Variants in SHISAL2A observed in about 807,000 individuals in gnomAD.
SHISAL2A encodes the protein protein shisa-like-2A.
In SHISAL2A, 18 loss-of-function variants were observed where a neutral mutation model predicts 11.5. That is an observed-to-expected ratio of 1.57 (90% CI 1.08 to 2.33). The LOEUF (loss-of-function observed/expected upper bound fraction) is 2.33, where lower values mean the gene tolerates loss of function less well. Ranked by LOEUF, SHISAL2A falls within the 30% of genes most tolerant of loss-of-function variation. The probability of loss-of-function intolerance (pLI) is 0.00; values close to 1 mark genes in which losing one functional copy is unlikely to be tolerated. For missense variants in SHISAL2A, 261 were observed against 250.9 expected (o/e 1.04, Z -0.27); for synonymous variants, 94 against 99.6 (o/e 0.94, Z 0.34).
intron 1 of SHISAL2A, among the ~76,000 whole-genome samples, chr1:52,635,624 GTT>G (rs1558083904): frequency 6.6e-6 from 1 of 151,986 alleles, no homozygotes; most frequent in Non-Finnish European, 1.5e-5. Context: ...CCAGTTTTAG[GTT>G]TTACAACTCC....
At chr1:52,632,975 C>G (rs960651993), upstream of SHISAL2A, among the ~76,000 whole-genome samples, 1 of 152,054 alleles carries the variant, frequency 6.6e-6, no homozygotes, top group Non-Finnish European at 1.5e-5. Flanking sequence ...TGGTCGCCGG[C>G]TGGTGCCTTG....
Position 52,633,434 on chromosome 1 carries a change from G to T in SHISAL2A, c.-60G>T. The T allele has an allele frequency of 3.6e-6, 5 of 1,383,828 alleles. No individual in the cohort carries two copies. Among genetic ancestry groups the T allele is most frequent in the Non-Finnish European group, 3.7e-6 (4 of 1,067,432 alleles). The allele number at this position is 1,383,828 out of a possible 1,614,324, so 85.7% of individuals were successfully genotyped here. A position where few individuals can be genotyped will look rare whatever the true frequency, so the allele number is the denominator to read the frequency against. ...GTCTCGCTCGGTCCCTCGCTTCCCC[G>T]CCGGGCTCTAGCCGGCCGTCTGGTG... On this transcript the variant is annotated 5_prime_UTR_variant, in exon 1 of 3. Transcript: ENST00000517870. The surrounding 1 kb of genome is among the most constrained non-coding windows in gnomAD (Gnocchi z 6.4).
chr1:52,642,900 GTTC>G lies in SHISAL2A; in HGVS notation c.225_227del (p.Leu76del). ...CATAGGCCTGTCCGTAGCAGCAGTG[GTTC>G]TTCTCGCCTTCATTGTTACCGCCTG... On this transcript the variant is annotated inframe_deletion, in exon 2 of 3. Coordinates refer to ENST00000517870, the MANE Select transcript of SHISAL2A (RefSeq NM_001042693.3). The G allele has an allele frequency of 3.1e-6, 5 of 1,613,854 alleles. No individual in the cohort carries two copies. Among genetic ancestry groups the G allele is most frequent in the African/African-American group, 1.3e-5 (1 of 75,002 alleles).
intron 1 of SHISAL2A, among the ~76,000 whole-genome samples, chr1:52,637,363 T>A (rs1312379759): frequency 6.6e-6 from 1 of 152,182 alleles, no homozygotes; most frequent in Non-Finnish European, 1.5e-5. Context: ...GGAGACCTTG[T>A]TTTGCTGTAA....
At position 52,656,805 on chromosome 1, in the gene SHISAL2A, C is replaced by T. The variant is rs1409174668; in HGVS notation, c.338C>T (p.Ser113Phe). The T allele has an allele frequency of 6.2e-7, 1 of 1,610,706 alleles. No homozygotes were observed. The highest frequency in any genetic ancestry group is 1.1e-5 in the South Asian group (1 of 90,690). Residue 113 changes from serine to phenylalanine, a missense_variant, in exon 3 of 3, where the codon TCT becomes TTT. Physicochemically the swap from Ser to Phe is radical, Grantham distance 155. Transcript: ENST00000517870. ...SLQTAGPEEV[S>F]PDCQGVNTGM... ...TGTTTTCCAGGCCCTGAGGAGGTTT[C>T]TCCTGACTGCCAAGGTGTGAACACA...
At position 52,667,470 on chromosome 1, in the gene SHISAL2A, T is replaced by TCATCAC. The variant is rs60987667; in HGVS notation, n.794_799dup. 0.025 allele frequency: 19,241 copies of TCATCAC among 769,734 alleles called. 3,957 individuals are homozygous for TCATCAC. In the African/African-American group the frequency reaches 0.39, roughly 15 times the overall value. 47.7% of individuals were successfully genotyped at this position (769,734 alleles called of 1,614,324 possible). A position where few individuals can be genotyped will look rare whatever the true frequency, so the allele number is the denominator to read the frequency against. Reference sequence around the variant, plus strand: ...AGAGATTGACTGCTGTGGAGACAGATCATCACCATCACCATCACCATCACC... The same window carrying TCATCAC: ...AGAGATTGACTGCTGTGGAGACAGATCATCACCATCACCATCACCATCACCATCACC... On this transcript the variant is annotated non_coding_transcript_exon_variant, in exon 5 of 6. Transcript: ENST00000401050.
At chr1:52,660,588 G>A (rs988010781), downstream of SHISAL2A, among the ~76,000 whole-genome samples, 2 of 152,194 alleles carry the variant, frequency 1.3e-5, no homozygotes, top group African/African-American at 4.8e-5. Context: ...ATGTGTGTGT[G>A]CCTGCCTGAG....
chr1:52,657,057 TCCATA>T, exon 3 of SHISAL2A: 1 of 1,566,410 alleles, frequency 6.4e-7, no homozygotes, highest in Non-Finnish European at 8.7e-7. Flanking sequence ...AATAAATGTC[TCCATA>T]CCATCCCCTT....
chr1:52,660,978 G>T (rs1691897147), downstream of SHISAL2A, among the ~76,000 whole-genome samples: 1 of 152,154 alleles, frequency 6.6e-6, no homozygotes, highest in Admixed American at 6.5e-5. Context: ...GGTGAAAGGA[G>T]GTTTCTGGTA....
At chr1:52,667,494 C>G (rs1018611249) in exon 5 of SHISAL2A, 38 of 491,534 alleles carry the variant, frequency 7.7e-5, no homozygotes, top group Non-Finnish European at 9.5e-5. Context: ...ATCACCATCA[C>G]CATCACCACC....
At chr1:52,642,714 A>C in intron 1 of SHISAL2A, 149 bp from the exon 2 acceptor site, 3 of 799,484 alleles carry the variant, frequency 3.8e-6, no homozygotes, top group Non-Finnish European at 6.0e-6. Flanking sequence ...ATGGGCCACT[A>C]TGCCTGGCCT....
intron 2 of SHISAL2A, among the ~76,000 whole-genome samples, chr1:52,643,944 A>AAGGAAGGAAGGG (rs1410735015): frequency 6.6e-6 from 1 of 151,766 alleles, no homozygotes; most frequent in Admixed American, 6.6e-5. Context: ...AAGAGAAAGG[A>AAGGAAGGAAGGG]AGGAAGGAAG....
chr1:52,650,936 C>T (rs893279636), intron 2 of SHISAL2A, among the ~76,000 whole-genome samples: 3 of 150,778 alleles, frequency 2.0e-5, no homozygotes, highest in Non-Finnish European at 2.9e-5. Flanking sequence ...TGAGCCACCA[C>T]GCCTGGCCTA....
chr1:52,640,611 C>CAA (rs111376094), intron 1 of SHISAL2A, among the ~76,000 whole-genome samples: 3 of 137,086 alleles, frequency 2.2e-5, no homozygotes, highest in African/African-American at 8.0e-5. Context: ...TGTCTCAAAA[C>CAA]AAAAAAAAAA....
intron 2 of SHISAL2A, among the ~76,000 whole-genome samples, chr1:52,645,124 G>GCTGAATGC (rs1201101430): frequency 1.3e-5 from 2 of 152,056 alleles, no homozygotes; most frequent in African/African-American, 2.4e-5. Flanking sequence ...GAAAGAGAGG[G>GCTGAATGC]CTGAATGCCA....
At position 52,633,511 on chromosome 1, in the gene SHISAL2A, G is replaced by A. The variant is rs758443434; in HGVS notation, c.18G>A (p.Thr6=). The A allele has an allele frequency of 2.6e-6, 4 of 1,544,492 alleles. No individual in the cohort carries two copies. Among genetic ancestry groups the A allele is most frequent in the East Asian group, 5.4e-5 (2 of 37,334 alleles). The stretch of plus-strand genomic sequence containing the variant: ...GGGGCGCGATGAGCGGCGCCTGCAC[G>A]AGCTACGTGAGCGCAGAGCAGGAGG... The part of the protein sequence containing the change: MSGAC[T]SYVSAEQEVV... Residue 6 remains threonine, a synonymous_variant, in exon 1 of 3, where the codon ACG becomes ACA. Transcript: ENST00000517870. This position sits in a 1 kb window ranked among gnomAD's most constrained non-coding sequence, Gnocchi z 6.4.
At chr1:52,655,343 A>G (rs1320215907) in intron 2 of SHISAL2A, among the ~76,000 whole-genome samples, 1 of 149,584 alleles carries the variant, frequency 6.7e-6, no homozygotes, top group Non-Finnish European at 1.5e-5. Context: ...ATGTCCAGGC[A>G]TGGTGGCTCA....
At position 52,642,955 on chromosome 1, in the gene SHISAL2A, C is replaced by T. The variant is rs778770683; in HGVS notation, c.275C>T (p.Ser92Phe). 4.3e-6 allele frequency: 7 copies of T among 1,614,104 alleles called. No individual in the cohort carries two copies. The Admixed American group carries it at 1.2e-4, about 27-fold the overall frequency. The change falls in exon 2 of 3, where the codon TCT becomes TTT. Residue 92 changes from serine to phenylalanine, a missense_variant. Transcript: ENST00000517870. ...GTGCTCTGCTACCTGTTCATCAGCT[C>T]TAAGCCCCACACAAAGTTGGACCTG... Reference protein sequence around the residue: ...ACVLCYLFISSKPHTKLDLGL... With the variant: ...ACVLCYLFISFKPHTKLDLGL...
At chr1:52,662,381 G>A (rs1030996449) in intron 4 of SHISAL2A, among the ~76,000 whole-genome samples, 2 of 151,712 alleles carry the variant, frequency 1.3e-5, no homozygotes, top group African/African-American at 4.8e-5. Flanking sequence ...GTCTTGCTCT[G>A]TCACCCAGGC....
Sources: gnomAD v4.1 joint callset for allele counts (sites outside exome capture counted in the v4.1 genomes callset) on GRCh38, gnomAD v4.1.1 for gene constraint, Gnocchi (gnomAD v3.1) non-coding constraint, MANE v1.5 for transcripts, NCBI Gene and HGNC (gene_info 2026-07-23, HGNC 2026-07-21) for gene names.